The following CNTN6 variants were observed in gnomAD, a reference collection of about 807,000 sequenced individuals.
CNTN6 encodes contactin 6.
A neutral mutation model predicts 122.8 loss-of-function variants in CNTN6; 137 were observed. The ratio of observed to expected loss-of-function variants is 1.12; its 90% CI spans 0.97 to 1.29. CNTN6 has a LOEUF of 1.29. Ranked by LOEUF, CNTN6 falls within the 50% of genes most tolerant of loss-of-function variation. The probability of loss-of-function intolerance (pLI) is 0.00; values close to 1 mark genes in which losing one functional copy is unlikely to be tolerated. For synonymous variants in CNTN6, 570 were observed against 426.0 expected, an observed-to-expected ratio of 1.34 and a Z score of -4.16; for missense variants, 1,634 against 1,223.4, an observed-to-expected ratio of 1.34 and a Z score of -5.01.
intron 7 of CNTN6, 183 bp downstream of exon 7, chr3:1,298,174 C>T: frequency 5.6e-6 from 3 of 537,586 alleles, no homozygotes; most frequent in Non-Finnish European, 9.9e-6. Flanking sequence ...AATGACCAGG[C>T]CTGTAACTGA....
At chr3:1,232,110 C>A (rs2094359720) in intron 4 of CNTN6, among the ~76,000 whole-genome samples, 1 of 152,224 alleles carries the variant, frequency 6.6e-6, no homozygotes, top group Admixed American at 6.5e-5. Context: ...CCCATGATAT[C>A]ACTCAGATGT....
intron 5 of CNTN6, among the ~76,000 whole-genome samples, chr3:1,293,892 C>G (rs886935311): frequency 2.0e-4 from 31 of 152,142 alleles, no homozygotes; most frequent in African/African-American, 7.0e-4. Context: ...ATTCACCAAG[C>G]TTTAATACAT....
chr3:1,270,903 TGTTTGTTC>T (rs2095014399), intron 4 of CNTN6, among the ~76,000 whole-genome samples: 1 of 152,174 alleles, frequency 6.6e-6, no homozygotes, highest in South Asian at 2.1e-4. Context: ...TTTGTTTGTT[TGTTTGTTC>T]TTGCTTTTTG....
At chr3:1,323,999 G>A (rs1701209046) in intron 8 of CNTN6, among the ~76,000 whole-genome samples, 1 of 144,246 alleles carries the variant, frequency 6.9e-6, no homozygotes, top group Admixed American at 6.7e-5. Context: ...TATTTTCCCA[G>A]GTCAGACATA....
At chr3:1,149,131 G>T (rs986116234) in intron 2 of CNTN6, among the ~76,000 whole-genome samples, 2 of 152,082 alleles carry the variant, frequency 1.3e-5, no homozygotes, top group Admixed American at 6.6e-5. Flanking sequence ...AAATAATAAA[G>T]GCAATAATCG....
chr3:1,261,378 A>G (rs2094843834), intron 4 of CNTN6, among the ~76,000 whole-genome samples: 1 of 152,114 alleles, frequency 6.6e-6, no homozygotes, highest in Non-Finnish European at 1.5e-5. Context: ...ATTGTGGGCA[A>G]TTGTGGCTCA....
chr3:1,147,208 G>T (rs1559397288), intron 1 of CNTN6, among the ~76,000 whole-genome samples: 1 of 151,922 alleles, frequency 6.6e-6, no homozygotes, highest in Non-Finnish European at 1.5e-5. Flanking sequence ...ATATATAATA[G>T]TTTTATCAAA....
At chr3:1,308,104 A>C (rs898683917) in intron 7 of CNTN6, among the ~76,000 whole-genome samples, 7 of 152,130 alleles carry the variant, frequency 4.6e-5, no homozygotes, top group African/African-American at 1.7e-4. Flanking sequence ...TTCCTCATTT[A>C]TTAATATTTA....
At chr3:1,253,873 A>G (rs1425028052) in intron 4 of CNTN6, among the ~76,000 whole-genome samples, 1 of 152,116 alleles carries the variant, frequency 6.6e-6, no homozygotes, top group Non-Finnish European at 1.5e-5. Context: ...CTAAGGAATA[A>G]TCTCAGTCTT....
intron 1 of CNTN6, among the ~76,000 whole-genome samples, chr3:1,108,490 G>A (rs531148976): frequency 3.3e-5 from 5 of 151,636 alleles, no homozygotes; most frequent in Middle Eastern, 3.4e-3. Flanking sequence ...TTTCAGTTTG[G>A]AGTCCTGTTG....
At chr3:1,312,571 T>A (rs1699506842) in intron 7 of CNTN6, among the ~76,000 whole-genome samples, 1 of 151,312 alleles carries the variant, frequency 6.6e-6, no homozygotes, top group Admixed American at 6.6e-5. Flanking sequence ...CTCAATATGT[T>A]TTAAAAAGAT....
intron 7 of CNTN6, among the ~76,000 whole-genome samples, chr3:1,314,210 C>T (rs1255551250): frequency 6.6e-6 from 1 of 152,046 alleles, no homozygotes; most frequent in African/African-American, 2.4e-5. Flanking sequence ...TCTTACATTC[C>T]AAGCTCTTTG....
At position 1,372,867 on chromosome 3, in the gene CNTN6, T is replaced by C; in HGVS notation, c.1698T>C (p.Asn566=). The C allele has an allele frequency of 1.2e-6, 2 of 1,608,790 alleles. No individual in the cohort carries two copies. The highest frequency in any genetic ancestry group is 1.7e-4 in the Middle Eastern group (1 of 6,042). The change falls in exon 14 of 23, where the codon AAT becomes AAC. Residue 566 remains asparagine, a synonymous_variant. Transcript: ENST00000446702. ...GESVGDLMIR[N]IQLHHSGKYL... ...CTGTTGGGGATTTGATGATAAGGAA[T>C]ATTCAGTTACATCATTCAGGAAAAT... is the stretch of plus-strand genomic sequence containing the variant.
At chr3:1,394,746 G>T (rs965492467) in intron 20 of CNTN6, among the ~76,000 whole-genome samples, 2 of 152,126 alleles carry the variant, frequency 1.3e-5, no homozygotes. Context: ...AATTTTTTCA[G>T]TTGACCCAAT....
At chr3:1,135,240 A>G (rs942464936) in intron 1 of CNTN6, among the ~76,000 whole-genome samples, 2 of 152,052 alleles carry the variant, frequency 1.3e-5, no homozygotes, top group Non-Finnish European at 2.9e-5. Flanking sequence ...TCTCTTTTGC[A>G]GAGAAATTTC....
At chr3:1,374,811 C>T (rs1709623197) in intron 16 of CNTN6, among the ~76,000 whole-genome samples, 2 of 152,030 alleles carry the variant, frequency 1.3e-5, no homozygotes, top group Admixed American at 1.3e-4. Flanking sequence ...TTAAAGTGTG[C>T]ACAATTGTCA....
At chr3:1,249,971 C>G (rs1036248161) in intron 4 of CNTN6, among the ~76,000 whole-genome samples, 2 of 151,818 alleles carry the variant, frequency 1.3e-5, no homozygotes, top group African/African-American at 4.8e-5. Context: ...TGTTTTTGTA[C>G]TTTTCTCAGT....
intron 2 of CNTN6, among the ~76,000 whole-genome samples, chr3:1,200,933 CTTTTTT>C (rs59538115): frequency 1.4e-5 from 2 of 140,974 alleles, no homozygotes; most frequent in African/African-American, 5.4e-5. Context: ...TTCTTTTTTT[CTTTTTT>C]TTTTTTTCCC....
At chr3:1,296,328 AC>A (rs140600112) in intron 6 of CNTN6, among the ~76,000 whole-genome samples, 2,406 of 152,252 alleles carry the variant, frequency 0.016, 70 homozygotes, top group African/African-American at 0.055. Flanking sequence ...GAAGAATGAA[AC>A]ACAAGATTTA....
Sources: gnomAD v4.1 joint callset for allele counts (sites outside exome capture counted in the v4.1 genomes callset) on GRCh38, gnomAD v4.1.1 for gene constraint, MANE v1.5 for transcripts, NCBI Gene and HGNC (gene_info 2026-07-23, HGNC 2026-07-21) for gene names.